The following DIDO1 variants were observed in gnomAD, a reference collection of about 807,000 sequenced individuals.
DIDO1 encodes death inducer-obliterator 1.
A neutral mutation model predicts 99.4 loss-of-function variants in DIDO1; 16 were observed. The ratio of observed to expected loss-of-function variants is 0.16; its 90% confidence interval spans 0.11 to 0.24. The LOEUF is 0.24. Ranked by LOEUF, DIDO1 falls within the 10% of genes least tolerant of loss-of-function variation. The probability of loss-of-function intolerance (pLI) is 1.00; values close to 1 mark genes in which losing one functional copy is unlikely to be tolerated. For missense variants in DIDO1, 2,996 were observed against 3,014.0 expected (o/e 0.99, Z 0.14); for synonymous variants, 1,366 against 1,239.1 (o/e 1.10, Z -2.15).
upstream of DIDO1, among the ~76,000 whole-genome samples, chr20:62,928,120 G>A (rs2065284407): frequency 6.6e-6 from 1 of 152,164 alleles, no homozygotes; most frequent in South Asian, 2.1e-4. Context: ...CTTTAGCTGA[G>A]GATCTTTAAA....
At chr20:62,921,823 A>AAT (rs1018389007) in intron 1 of DIDO1, among the ~76,000 whole-genome samples, 24 of 150,750 alleles carry the variant, frequency 1.6e-4, no homozygotes, top group African/African-American at 5.4e-4. Context: ...GTATATCCAC[A>AAT]ATATATATAT....
chr20:62,891,629 C>T (rs1160129881), intron 14 of DIDO1, among the ~76,000 whole-genome samples: 1 of 152,090 alleles, frequency 6.6e-6, no homozygotes, highest in Non-Finnish European at 1.5e-5. Flanking sequence ...CTCCTTCAAT[C>T]ATAAAAAAAC....
chr20:62,881,588 G>A lies in DIDO1; in HGVS notation c.4368C>T (p.Ser1456=). ...NRMCADVRRN[S]VERPAEPVAG... is the part of the protein sequence containing the mutation. ...CCACCGGCTCGGCAGGCCTCTCCAC[G>A]GAGTTCCTTCTCACGTCGGCACACA... The change falls in exon 16 of 16, where the codon TCC becomes TCT. Residue 1456 remains serine, a synonymous_variant. Coordinates refer to ENST00000395343, the MANE Select transcript of DIDO1 (RefSeq NM_001193369.2). This position sits in a 1 kb window ranked among gnomAD's most constrained non-coding sequence, Gnocchi z 8.3. 2.5e-6 allele frequency: 4 copies of A among 1,611,672 alleles called. No homozygotes were observed. The highest frequency in any genetic ancestry group is 1.7e-4 in the Middle Eastern group (1 of 6,060).
At chr20:62,901,537 G>T (rs554802193) in intron 6 of DIDO1, among the ~76,000 whole-genome samples, 3 of 142,486 alleles carry the variant, frequency 2.1e-5, no homozygotes, top group African/African-American at 7.9e-5. Flanking sequence ...ACATGTTAGG[G>T]GCATGTTAAA....
At chr20:62,905,386 T>A (rs1784747815) in intron 6 of DIDO1, 1 of 1,456,748 alleles carries the variant, frequency 6.9e-7, no homozygotes, top group Admixed American at 2.7e-5. Flanking sequence ...AATGTACACC[T>A]GAAAATCAGA....
intron 1 of DIDO1, among the ~76,000 whole-genome samples, chr20:62,923,999 G>T (rs897534219): frequency 6.6e-6 from 1 of 152,146 alleles, no homozygotes; most frequent in Admixed American, 6.5e-5. Context: ...AAAATAAAAT[G>T]AGGCCTAGAC....
intron 6 of DIDO1, among the ~76,000 whole-genome samples, chr20:62,900,686 ACC>A (rs2064650775): frequency 1.3e-5 from 2 of 152,114 alleles, no homozygotes; most frequent in South Asian, 4.1e-4. Context: ...TAAAATAAAC[ACC>A]ACACGCCCTC....
At chr20:62,930,781 G>C (rs1189516022), upstream of DIDO1, among the ~76,000 whole-genome samples, 1 of 152,172 alleles carries the variant, frequency 6.6e-6, no homozygotes, top group Non-Finnish European at 1.5e-5. Context: ...TCTTTCTTTG[G>C]TCACATTAGC....
Position 62,879,970 on chromosome 20 carries a change from C to T in DIDO1, c.5986G>A (p.Ala1996Thr), listed in dbSNP as rs866633267. 3 of 1,609,326 alleles carry T rather than the reference C, an allele frequency of 1.9e-6. No homozygotes were observed. The highest frequency in any genetic ancestry group is 2.5e-6 in the Non-Finnish European group (3 of 1,179,074). ...PLQFGGLRGS[A>T]PFSEKNEQTP... ...TGCTCATTTTTTTCAGAAAAGGGTG[C>T]GGACCCCCGTAGTCCACCAAACTGC... Residue 1996 changes from alanine to threonine, a missense_variant, in exon 16 of 16, where the codon GCA becomes ACA. This residue lies in a region of DIDO1 where 1,562 missense variants were observed against 1,412.6 expected (regional missense o/e 1.11). Coordinates refer to ENST00000395343, the MANE Select transcript of DIDO1 (RefSeq NM_001193369.2). This position sits in a 1 kb window ranked among gnomAD's most constrained non-coding sequence, Gnocchi z 6.3.
chr20:62,921,983 G>A (rs1254971220), intron 1 of DIDO1, among the ~76,000 whole-genome samples: 1 of 145,888 alleles, frequency 6.9e-6, no homozygotes. Context: ...CTATACATAT[G>A]TCCACAATAT....
Position 62,907,249 on chromosome 20 carries a change from C to T in DIDO1, c.1272G>A (p.Ala424=), listed in dbSNP as rs34820000. 0.059 allele frequency: 95,952 copies of T among 1,614,154 alleles called. 3,215 individuals carry two copies. The highest frequency in any genetic ancestry group is 0.12 in the African/African-American group (8,811 of 75,030). Residue 424 remains alanine (A), a synonymous_variant, in exon 5 of 16, where the codon GCG becomes GCA. Transcript: ENST00000395343. ...SNDCILKHAA[A]TMKFLSSGKE... ...TACCTGAGCTTAGAAACTTCATTGT[C>T]GCTGCGGCGTGTTTGAGGATACAGT...
At chr20:62,903,888 C>G (rs1003229174) in intron 6 of DIDO1, among the ~76,000 whole-genome samples, 2 of 152,140 alleles carry the variant, frequency 1.3e-5, no homozygotes, top group East Asian at 3.9e-4. Context: ...CAGAGTACCC[C>G]GCTATGGGCA....
chr20:62,933,530 T>C (rs1488515397), intron 1 of DIDO1, among the ~76,000 whole-genome samples: 1 of 152,218 alleles, frequency 6.6e-6, no homozygotes, highest in East Asian at 1.9e-4. Context: ...AATAATGTGG[T>C]TTTGAAACAT....
chr20:62,905,863 G>A (rs1194039082), intron 6 of DIDO1, 24 bp downstream of exon 6: 5 of 1,614,014 alleles, frequency 3.1e-6, no homozygotes, highest in African/African-American at 1.3e-5. Context: ...GGGTCCAGGA[G>A]GCCAACCCCT....
chr20:62,897,098 T>G (rs572600580), intron 6 of DIDO1, 102 bp from the exon 7 acceptor site: 1 of 1,041,880 alleles, frequency 9.6e-7, no homozygotes, highest in Non-Finnish European at 1.4e-6. Context: ...AGTGCCCACC[T>G]GGCATTACTG....
At chr20:62,886,921 C>A (rs752198867) in intron 15 of DIDO1, among the ~76,000 whole-genome samples, 1 of 152,246 alleles carries the variant, frequency 6.6e-6, no homozygotes, top group African/African-American at 2.4e-5. Flanking sequence ...CTCACACACA[C>A]ACAGACCCTC....
chr20:62,911,544 G>T lies in DIDO1; in HGVS notation c.69C>A (p.Phe23Leu). 6.2e-7 allele frequency: 1 copy of T among 1,611,984 alleles called. No individual in the cohort carries two copies. The highest frequency in any genetic ancestry group is 1.7e-5 in the Admixed American group (1 of 59,704). ...PKAIKPTSKE[F>L]RKTWGFRRTT... ...TCCTTCGAAAACCCCATGTTTTCCT[G>T]AACTCTTTGCTGGTGGGTTTGATGG... Residue 23 changes from phenylalanine to leucine, a missense_variant, in exon 3 of 16, where the codon TTC becomes TTA. Physicochemically the swap from Phe to Leu is conservative, Grantham distance 22. Coordinates refer to ENST00000395343, the MANE Select transcript of DIDO1 (RefSeq NM_001193369.2). This position sits in a 1 kb window ranked among gnomAD's most constrained non-coding sequence, Gnocchi z 7.0.
intron 1 of DIDO1, among the ~76,000 whole-genome samples, chr20:62,933,734 G>C (rs1388159926): frequency 6.6e-6 from 1 of 152,128 alleles, no homozygotes; most frequent in African/African-American, 2.4e-5. Context: ...AGCTGGGTGT[G>C]GTGGCTTCCG....
intron 6 of DIDO1, among the ~76,000 whole-genome samples, chr20:62,902,197 G>A (rs2064698615): frequency 6.6e-6 from 1 of 152,194 alleles, no homozygotes; most frequent in Admixed American, 6.5e-5. Flanking sequence ...GGTTACGGAG[G>A]TGTGAAACCT....
Sources: gnomAD v4.1 joint callset for allele counts (sites outside exome capture counted in the v4.1 genomes callset) on GRCh38, gnomAD v4.1.1 for gene constraint, gnomAD v4.1.1 regional missense constraint, Gnocchi (gnomAD v3.1) non-coding constraint, MANE v1.5 for transcripts, NCBI Gene and HGNC (gene_info 2026-07-23, HGNC 2026-07-21) for gene names.